Variants in DNPEP observed in about 807,000 individuals in gnomAD.
DNPEP encodes the protein aspartyl aminopeptidase.
DNPEP carries 46 observed loss-of-function variants against 59.1 expected under a neutral mutation model. The ratio of observed to expected loss-of-function variants is 0.78; its 90% confidence interval spans 0.61 to 0.99. The LOEUF (loss-of-function observed/expected upper bound fraction) is 0.99. Among genes scored for constraint, DNPEP ranks in the 50% least tolerant of loss-of-function variants. The pLI, the probability that DNPEP is intolerant of heterozygous loss-of-function variation, is 0.00. For missense variants in DNPEP, 617 were observed against 649.9 expected (o/e 0.95, Z 0.55); for synonymous variants, 229 against 242.2 (o/e 0.95, Z 0.50).
intron 10 of DNPEP, 87 bp from the exon 11 acceptor site, chr2:219,382,226 GC>G: frequency 6.8e-7 from 1 of 1,461,732 alleles, no homozygotes. Flanking sequence ...TGCCCAACTG[GC>G]CCAAAACCCC....
upstream of DNPEP, among the ~76,000 whole-genome samples, chr2:219,389,487 C>T (rs1026647457): frequency 6.6e-6 from 1 of 152,168 alleles, no homozygotes; most frequent in Non-Finnish European, 1.5e-5. Context: ...CAAGAATTCA[C>T]CCACTAGGTG....
At chr2:219,391,041 A>G (rs1019072689), upstream of DNPEP, among the ~76,000 whole-genome samples, 1 of 152,164 alleles carries the variant, frequency 6.6e-6, no homozygotes, top group Non-Finnish European at 1.5e-5. Context: ...TAAGTTTTCT[A>G]CTTTACCTAC....
At chr2:219,374,564 G>A (rs1212801622) in intron 14 of DNPEP, among the ~76,000 whole-genome samples, 4 of 152,250 alleles carry the variant, frequency 2.6e-5, no homozygotes, top group Middle Eastern at 3.4e-3. Context: ...AATAAGGACC[G>A]TTGTTTTATC....
At chr2:219,393,819 G>A (rs922622475), upstream of DNPEP, 2 of 152,174 alleles carry the variant, frequency 1.3e-5, no homozygotes, top group African/African-American at 2.4e-5. Context: ...CTCCTACCAG[G>A]ATCTGAGCTC....
chr2:219,396,447 G>C (rs1322931117), intron 1 of DNPEP, among the ~76,000 whole-genome samples: 1 of 151,962 alleles, frequency 6.6e-6, no homozygotes, highest in Non-Finnish European at 1.5e-5. Flanking sequence ...AATTAGCCAG[G>C]CATGGTAGCG....
rs772543358 is a variant in DNPEP at position 219,385,957 on chromosome 2, C to A, written c.590+11G>T. 1 of 1,613,974 alleles carries A rather than the reference C, an allele frequency of 6.2e-7. No individual in the cohort carries two copies. Among genetic ancestry groups the A allele is most frequent in the Non-Finnish European group, 8.5e-7 (1 of 1,179,890 alleles). On this transcript the variant is annotated intron_variant, in intron 6 of 14. Coordinates refer to ENST00000273075, the MANE Select transcript of DNPEP (RefSeq NM_012100.4). The stretch of plus-strand genomic sequence containing the variant: ...TCCCTCCCAGCCACCGCAGCCCTGC[C>A]CCAGTCTCACAGATGCATCTCTGTG...
At chr2:219,391,887 G>A (rs201379821), upstream of DNPEP, among the ~76,000 whole-genome samples, 4 of 128,698 alleles carry the variant, frequency 3.1e-5, no homozygotes, top group Non-Finnish European at 5.2e-5. Context: ...AAAAAAAAAA[G>A]GTCAGTCTTT....
In DNPEP at chr2:219,385,997, C is replaced by A; in HGVS notation, c.561G>T (p.Glu187Asp). 6.2e-7 allele frequency: 1 copy of A among 1,614,178 alleles called. No homozygotes were observed. Among genetic ancestry groups the A allele is most frequent in the Non-Finnish European group, 8.5e-7 (1 of 1,180,024 alleles). The change falls in exon 6 of 15, where the codon GAG becomes GAT. Residue 187 changes from glutamate (E) to aspartate (D), a missense_variant. Glu to Asp is a conservative substitution (Grantham distance 45). Coordinates refer to ENST00000273075, the MANE Select transcript of DNPEP (RefSeq NM_012100.4). ...LAIHLQRNINENFGPNTEMHL... is the reference protein window; with the variant it reads ...LAIHLQRNINDNFGPNTEMHL... ...GCATCTCTGTGTTGGGCCCAAAGTT[C>A]TCGTTGATATTTCGCTGCAGATGGA...
At position 219,382,082 on chromosome 2, in the gene DNPEP, G is replaced by A. The variant is rs775238513; in HGVS notation, c.994C>T (p.Arg332Trp). 35 of 1,613,722 alleles carry A rather than the reference G, an allele frequency of 2.2e-5. No individual in the cohort carries two copies. The highest frequency in any genetic ancestry group is 3.3e-5 in the South Asian group (3 of 91,086). ...QSLLTELVLR[R>W]ISASCQHPTA... The stretch of plus-strand genomic sequence containing the variant: ...GGGTGCTGGCACGAGGCTGAGATCC[G>A]CCGCAGCACCAGCTCTGTCAGCAGT... Residue 332 changes from arginine to tryptophan, a missense_variant, in exon 11 of 15, where the codon CGG (arginine) becomes TGG (tryptophan). Coordinates refer to ENST00000273075, the MANE Select transcript of DNPEP (RefSeq NM_012100.4).
chr2:219,379,672 C>T (rs1325113470), intron 13 of DNPEP, among the ~76,000 whole-genome samples: 1 of 151,976 alleles, frequency 6.6e-6, no homozygotes, highest in Non-Finnish European at 1.5e-5. Flanking sequence ...CCTGTAATCC[C>T]AACACTTTGG....
chr2:219,380,663 C>T (rs191418723), intron 13 of DNPEP, among the ~76,000 whole-genome samples: 7 of 152,196 alleles, frequency 4.6e-5, no homozygotes, highest in Non-Finnish European at 8.8e-5. Flanking sequence ...GCAGGCTGTC[C>T]GTCTAGGTTT....
At chr2:219,375,102 G>T in intron 13 of DNPEP, 80 bp from the exon 14 acceptor site, 1 of 1,460,958 alleles carries the variant, frequency 6.8e-7, no homozygotes, top group East Asian at 2.3e-5. Context: ...TAGAATTGCA[G>T]GGTGGGAAGG....
chr2:219,381,545 C>T lies in DNPEP; in HGVS notation c.1137G>A (p.Lys379=), dbSNP rs1953601063. 6.2e-7 allele frequency: 1 copy of T among 1,614,086 alleles called. No individual in the cohort carries two copies. The highest frequency in any genetic ancestry group is 1.3e-5 in the African/African-American group (1 of 74,920). ...HEENHRPLFH[K]GPVIKVNSKQ... ...CCTAGGGAGAAATGGCACGTCTCAC[C>T]TTGTGGAATAAAGGCCGGTGGTTCT... The change falls in exon 12 of 15, where the codon AAG becomes AAA. Residue 379 remains lysine, a splice_region_variant and synonymous_variant. Transcript: ENST00000273075.
At chr2:219,377,929 T>TA (rs1273033843) in intron 13 of DNPEP, among the ~76,000 whole-genome samples, 6 of 147,524 alleles carry the variant, frequency 4.1e-5, no homozygotes, top group East Asian at 2.0e-4. Flanking sequence ...TTTCTAATTT[T>TA]AAAAAAACAT....
upstream of DNPEP, chr2:219,388,677 T>G: frequency 1.0e-6 from 1 of 985,580 alleles, no homozygotes; most frequent in Non-Finnish European, 1.2e-6. Flanking sequence ...TCGAGGCCAA[T>G]AAAAAGCTCG....
rs1465128122 is a variant in DNPEP at position 219,373,311 on chromosome 2, G to A, written c.*981C>T. The stretch of plus-strand genomic sequence containing the variant: ...TTGAACTCCCGACCTCAGGTGATCC[G>A]CCCACCTCAGCCTCCTAAAGTGCTG... On this transcript the variant is annotated 3_prime_UTR_variant, in exon 15 of 15. Coordinates refer to ENST00000273075, the MANE Select transcript of DNPEP (RefSeq NM_012100.4). Among the ~76,000 whole-genome samples the A allele has an allele frequency of 4.0e-5, 6 of 151,722 alleles. No homozygotes were observed. Among genetic ancestry groups the A allele is most frequent in the East Asian group, 1.9e-4 (1 of 5,160 alleles).
At position 219,385,524 on chromosome 2, in the gene DNPEP, C is replaced by T. The variant is rs199600488; in HGVS notation, c.674G>A (p.Arg225Gln). Residue 225 changes from arginine (R) to glutamine (Q), a missense_variant, in exon 8 of 15, where the codon CGG becomes CAG. By Grantham distance (43) the Arg-to-Gln change is conservative. Coordinates refer to ENST00000273075, the MANE Select transcript of DNPEP (RefSeq NM_012100.4). ...CAGGGACATGAGGACCGAATGGTGC[C>T]GCTCATCCTGAAGAGCAGAAAGATG... Reference protein sequence around the residue: ...EPGPLNAVDERHHSVLMSLLC... With the variant: ...EPGPLNAVDEQHHSVLMSLLC... 2.6e-5 allele frequency: 41 copies of T among 1,603,298 alleles called. No individual in the cohort carries two copies. The highest frequency in any genetic ancestry group is 3.0e-5 in the Non-Finnish European group (35 of 1,171,340).
chr2:219,380,028 C>A (rs563457253), intron 13 of DNPEP, among the ~76,000 whole-genome samples: 1 of 151,830 alleles, frequency 6.6e-6, no homozygotes. Flanking sequence ...CCTAAGTGTC[C>A]GGCATTGATA....
chr2:219,385,088 GAC>G, intron 8 of DNPEP: 2 of 249,960 alleles, frequency 8.0e-6, no homozygotes, highest in Non-Finnish European at 1.5e-5. Flanking sequence ...GCAACCGGGA[GAC>G]AGAGAACAGA....
Sources: gnomAD v4.1 joint callset for allele counts (sites outside exome capture counted in the v4.1 genomes callset) on GRCh38, gnomAD v4.1.1 for gene constraint, MANE v1.5 for transcripts, NCBI Gene and HGNC (gene_info 2026-07-23, HGNC 2026-07-21) for gene names.